Variants in NEDD4L observed in about 807,000 individuals in gnomAD.
NEDD4L encodes NEDD4 like E3 ubiquitin protein ligase.
A neutral mutation model predicts 148.9 loss-of-function variants in NEDD4L; 54 were observed. That is an observed-to-expected ratio of 0.36 (90% CI 0.29 to 0.45). The LOEUF (loss-of-function observed/expected upper bound fraction) is 0.45. NEDD4L is among the 20% of genes least tolerant of loss of function. NEDD4L has a pLI of 1.00. For missense variants in NEDD4L, 856 were observed against 1,233.8 expected, an observed-to-expected ratio of 0.69 and a Z score of 4.59; for synonymous variants, 433 against 440.7, an observed-to-expected ratio of 0.98 and a Z score of 0.22.
At chr18:58,352,649 G>A (rs1038103326) in intron 18 of NEDD4L, among the ~76,000 whole-genome samples, 9 of 151,968 alleles carry the variant, frequency 5.9e-5, no homozygotes, top group African/African-American at 2.2e-4. Flanking sequence ...ACAGAGGGAG[G>A]CTGTCTCAAA....
At chr18:58,291,733 C>T (rs539242596) in intron 5 of NEDD4L, among the ~76,000 whole-genome samples, 1 of 152,246 alleles carries the variant, frequency 6.6e-6, no homozygotes, top group South Asian at 2.1e-4. Context: ...TAATTAAGGA[C>T]AAAACATTTG....
intron 1 of NEDD4L, among the ~76,000 whole-genome samples, chr18:58,114,184 C>G (rs1192079701): frequency 6.6e-6 from 1 of 152,110 alleles, no homozygotes; most frequent in Admixed American, 6.5e-5. Context: ...TACAATTTAT[C>G]AACTAAATTA....
chr18:58,051,287 C>A (rs2081857554), intron 1 of NEDD4L, among the ~76,000 whole-genome samples: 1 of 152,110 alleles, frequency 6.6e-6, no homozygotes, highest in African/African-American at 2.4e-5. Context: ...ACAAAGATCA[C>A]CCCAAAGAAG....
At chr18:58,336,631 C>T (rs555675101) in intron 13 of NEDD4L, among the ~76,000 whole-genome samples, 1 of 152,100 alleles carries the variant, frequency 6.6e-6, no homozygotes, top group South Asian at 2.1e-4. Context: ...TTTGCTATAA[C>T]TGCTCATTAC....
chr18:58,092,421 C>T (rs1415030995), intron 1 of NEDD4L, among the ~76,000 whole-genome samples: 5 of 152,112 alleles, frequency 3.3e-5, no homozygotes, highest in South Asian at 2.1e-4. Flanking sequence ...AAGCGGTTCT[C>T]GGGCACAGTA....
intron 5 of NEDD4L, among the ~76,000 whole-genome samples, chr18:58,298,403 C>T (rs1783898462): frequency 1.3e-5 from 2 of 152,132 alleles, no homozygotes; most frequent in Non-Finnish European, 2.9e-5. Flanking sequence ...AGAAGACAAT[C>T]CTGAATTTTC....
intron 2 of NEDD4L, among the ~76,000 whole-genome samples, chr18:58,168,441 A>G (rs1208783185): frequency 6.6e-6 from 1 of 152,238 alleles, no homozygotes; most frequent in East Asian, 1.9e-4. Flanking sequence ...GCCACTGTGT[A>G]TTAGTGTACA....
rs78209311 is a variant in NEDD4L at position 58,264,214 on chromosome 18, A to G, written c.297+12160A>G. Among the ~76,000 whole-genome samples the G allele has an allele frequency of 2.0e-4, 31 of 152,220 alleles. No homozygotes were observed. In the East Asian group the frequency reaches 5.8e-3, roughly 28 times the overall value. On this transcript the variant is annotated intron_variant, in intron 5 of 30. Coordinates refer to ENST00000400345, the MANE Select transcript of NEDD4L (RefSeq NM_001144967.3). The stretch of plus-strand genomic sequence containing the variant: ...AAAATCCAGAAACGATGTTATACAC[A>G]TTAGCACGCATTATTAGGTGCCCAA...
At position 58,248,892 on chromosome 18, in the gene NEDD4L, C is replaced by G; in HGVS notation, c.205-7C>G. ...TAAAAGATACTACAAGATAATTTCT[C>G]TTCCAGACACTGAACCCAAAATGGA... On this transcript the variant is annotated splice_region_variant and splice_polypyrimidine_tract_variant and intron_variant, in intron 3 of 30. Coordinates refer to ENST00000400345, the MANE Select transcript of NEDD4L (RefSeq NM_001144967.3). 3.4e-6 allele frequency: 5 copies of G among 1,457,482 alleles called. No individual in the cohort carries two copies. The highest frequency in any genetic ancestry group is 4.7e-6 in the Non-Finnish European group (5 of 1,061,490). The allele number at this position is 1,457,482 out of a possible 1,614,324, so 90.3% of individuals were successfully genotyped here. A position where few individuals can be genotyped will look rare whatever the true frequency, so the allele number is the denominator to read the frequency against.
At chr18:58,249,542 T>G (rs921380194) in intron 4 of NEDD4L, among the ~76,000 whole-genome samples, 1 of 152,242 alleles carries the variant, frequency 6.6e-6, no homozygotes, top group African/African-American at 2.4e-5. Flanking sequence ...CATTTGTGGT[T>G]GTTGCTGTGT....
chr18:58,365,427 C>T (rs1312339180), intron 20 of NEDD4L, among the ~76,000 whole-genome samples: 7 of 152,200 alleles, frequency 4.6e-5, no homozygotes, highest in Non-Finnish European at 1.0e-4. Context: ...GAGGCAGTTG[C>T]CACAACCTTG....
intron 30 of NEDD4L, 42 bp from the exon 31 acceptor site, chr18:58,396,125 G>A: frequency 7.6e-7 from 1 of 1,309,184 alleles, no homozygotes; most frequent in Non-Finnish European, 1.1e-6. Context: ...TCGAGGAAGT[G>A]CTGTTGTGGC....
intron 1 of NEDD4L, among the ~76,000 whole-genome samples, chr18:58,132,621 C>T (rs1304861669): frequency 3.3e-5 from 5 of 152,114 alleles, no homozygotes; most frequent in Non-Finnish European, 7.4e-5. Context: ...ATAGAGTTGC[C>T]GTGAAGTTTA....
At chr18:58,363,791 G>A (rs902227547) in intron 19 of NEDD4L, among the ~76,000 whole-genome samples, 3 of 152,170 alleles carry the variant, frequency 2.0e-5, no homozygotes, top group African/African-American at 7.2e-5. Flanking sequence ...TCCTTGATAG[G>A]AGTGTCAGTT....
chr18:58,316,858 C>T (rs928964625), intron 6 of NEDD4L, among the ~76,000 whole-genome samples: 4 of 152,172 alleles, frequency 2.6e-5, no homozygotes, highest in African/African-American at 4.8e-5. Flanking sequence ...AGAGGAAAGG[C>T]GAATGTTTCT....
intron 1 of NEDD4L, among the ~76,000 whole-genome samples, chr18:58,098,796 A>G (rs2084581390): frequency 6.6e-6 from 1 of 152,196 alleles, no homozygotes; most frequent in African/African-American, 2.4e-5. Context: ...GGTGGCTCAC[A>G]GTCATCACTC....
At chr18:58,325,668 A>T (rs1258071252) in intron 9 of NEDD4L, among the ~76,000 whole-genome samples, 5 of 152,158 alleles carry the variant, frequency 3.3e-5, no homozygotes, top group Admixed American at 3.3e-4. Flanking sequence ...TCAGAAACAC[A>T]TGGGAGAGTT....
chr18:58,141,580 A>AT (rs1001247730), intron 1 of NEDD4L, among the ~76,000 whole-genome samples: 6 of 152,024 alleles, frequency 3.9e-5, no homozygotes, highest in Non-Finnish European at 7.4e-5. Flanking sequence ...TGAATTCCTG[A>AT]TTGTGTACAG....
At chr18:58,176,542 C>A (rs2038178964) in intron 2 of NEDD4L, among the ~76,000 whole-genome samples, 1 of 152,044 alleles carries the variant, frequency 6.6e-6, no homozygotes, top group Non-Finnish European at 1.5e-5. Flanking sequence ...GCTGTGTTGC[C>A]CAGGTGGGTC....
Sources: allele counts gnomAD v4.1 joint callset (sites outside exome capture counted in the v4.1 genomes callset), GRCh38; gene constraint gnomAD v4.1.1; transcripts MANE v1.5; gene names NCBI Gene and HGNC (gene_info 2026-07-23, HGNC 2026-07-21).